PTPRM: variants seen among roughly 807,000 people sequenced by gnomAD.
PTPRM encodes protein tyrosine phosphatase receptor type M, also known as receptor-type tyrosine-protein phosphatase mu.
PTPRM carries 47 observed loss-of-function variants against 186.7 expected under a neutral mutation model. That is an observed-to-expected ratio of 0.25 (90% CI 0.20 to 0.32). PTPRM has a LOEUF of 0.32. PTPRM is among the 10% of genes least tolerant of loss of function. The pLI is 1.00. For synonymous variants in PTPRM, 668 were observed against 674.9 expected (o/e 0.99, Z 0.16); for missense variants, 1,494 against 1,865.0 (o/e 0.80, Z 3.66).
chr18:8,027,015 A>G (rs548405947), intron 7 of PTPRM, among the ~76,000 whole-genome samples: 43 of 152,362 alleles, frequency 2.8e-4, no homozygotes, highest in African/African-American at 1.0e-3. Context: ...TAAAATATAG[A>G]TATTGGATAC....
intron 5 of PTPRM, among the ~76,000 whole-genome samples, chr18:7,932,442 A>T (rs1364355801): frequency 6.6e-6 from 1 of 152,216 alleles, no homozygotes; most frequent in African/African-American, 2.4e-5. Context: ...GCAGCTGTAT[A>T]TCCTGTTTTT....
intron 11 of PTPRM, among the ~76,000 whole-genome samples, chr18:8,098,765 C>G (rs1301448739): frequency 2.6e-5 from 4 of 151,830 alleles, no homozygotes; most frequent in Admixed American, 1.3e-4. Context: ...GATGACACCC[C>G]CTCCCCTCCT....
chr18:7,663,439 A>T (rs2039023950), intron 1 of PTPRM, among the ~76,000 whole-genome samples: 1 of 152,216 alleles, frequency 6.6e-6, no homozygotes, highest in African/African-American at 2.4e-5. Context: ...AGCTTCAGTC[A>T]AACTTGAACA....
intron 1 of PTPRM, among the ~76,000 whole-genome samples, chr18:7,629,804 A>G (rs948337): frequency 0.063 from 9,638 of 152,208 alleles, 396 homozygotes; most frequent in African/African-American, 0.12. Flanking sequence ...CTCAAAATAC[A>G]CATCATATTT....
chr18:7,654,360 A>G (rs1226956775), intron 1 of PTPRM, among the ~76,000 whole-genome samples: 2 of 152,148 alleles, frequency 1.3e-5, no homozygotes, highest in African/African-American at 4.8e-5. Flanking sequence ...TGTGTGAAAA[A>G]TTAGACCTTG....
chr18:7,762,378 G>A (rs1161328911), intron 1 of PTPRM, among the ~76,000 whole-genome samples: 1 of 152,036 alleles, frequency 6.6e-6, no homozygotes, highest in Non-Finnish European at 1.5e-5. Context: ...TGAGCATAGG[G>A]GTAGCATATG....
In PTPRM at chr18:8,303,229, C is replaced by T. The variant is rs932631302; in HGVS notation, c.2842+6774C>T. Among the ~76,000 whole-genome samples the T allele has an allele frequency of 3.3e-5, 5 of 152,152 alleles. No individual in the cohort carries two copies. The Middle Eastern group carries it at 0.01, about 311-fold the overall frequency. Reference sequence around the variant, plus strand: ...TGTCCTGTTGGTAGATCTAGTAGATCTAGTACAGCAGAGACTCTGATGTAG... The same window carrying T: ...TGTCCTGTTGGTAGATCTAGTAGATTTAGTACAGCAGAGACTCTGATGTAG... On this transcript the variant is annotated intron_variant, in intron 20 of 32. Coordinates refer to ENST00000580170, the MANE Select transcript of PTPRM (RefSeq NM_001105244.2).
chr18:8,176,375 G>A (rs140763806), intron 14 of PTPRM, among the ~76,000 whole-genome samples: 1 of 152,344 alleles, frequency 6.6e-6, no homozygotes, highest in Admixed American at 6.5e-5. Flanking sequence ...AAGGCAGGGA[G>A]TTGGATCTGG....
At position 8,152,712 on chromosome 18, in the gene PTPRM, C is replaced by CTTTT. The variant is rs35112154; in HGVS notation, c.2300+8954_2300+8957dup. Among the ~76,000 whole-genome samples, 202 of 56,924 alleles carry CTTTT rather than the reference C, an allele frequency of 3.5e-3. 5 individuals carry two copies. The highest frequency in any genetic ancestry group is 9.9e-3 in the African/African-American group (131 of 13,232). The allele number at this position is 56,924 out of a possible 152,430, so 37.3% of individuals were successfully genotyped here. ...TTTCTCTTTTTCTTATGCCTCACCT[C>CTTTT]TTTTTTTTTTTTTTTTTTTTTTTTG... On this transcript the variant is annotated intron_variant, in intron 14 of 32. Transcript: ENST00000580170.
At chr18:7,973,780 A>G (rs960984626) in intron 7 of PTPRM, among the ~76,000 whole-genome samples, 4 of 152,164 alleles carry the variant, frequency 2.6e-5, no homozygotes, top group African/African-American at 9.7e-5. Flanking sequence ...AAATCAGTCC[A>G]AATATATATT....
chr18:8,287,935 T>C (rs1471856017), intron 19 of PTPRM, among the ~76,000 whole-genome samples: 1 of 152,144 alleles, frequency 6.6e-6, no homozygotes, highest in Admixed American at 6.5e-5. Context: ...TGACACCCCA[T>C]TAAATTACCA....
At chr18:7,771,938 A>T (rs73939369) in intron 1 of PTPRM, among the ~76,000 whole-genome samples, 2,807 of 152,350 alleles carry the variant, frequency 0.018, 79 homozygotes, top group African/African-American at 0.063. Context: ...AAAACCATCT[A>T]CTTTCTTACA....
intron 5 of PTPRM, among the ~76,000 whole-genome samples, chr18:7,930,749 C>G (rs2051438681): frequency 6.6e-6 from 1 of 152,020 alleles, no homozygotes; most frequent in South Asian, 2.1e-4. Context: ...TCATATTGAT[C>G]CATACCTGTG....
At chr18:7,645,586 G>A (rs2038541789) in intron 1 of PTPRM, among the ~76,000 whole-genome samples, 1 of 152,186 alleles carries the variant, frequency 6.6e-6, no homozygotes, top group Non-Finnish European at 1.5e-5. Context: ...AATATAAACT[G>A]TGTAGCCTCA....
chr18:8,125,135 G>A (rs1265853053), intron 13 of PTPRM, among the ~76,000 whole-genome samples: 1 of 151,616 alleles, frequency 6.6e-6, no homozygotes, highest in African/African-American at 2.4e-5. Context: ...GCTTGAACCC[G>A]GGAGGCAGAG....
At chr18:7,945,912 T>A (rs140456846) in intron 5 of PTPRM, among the ~76,000 whole-genome samples, 123 of 152,140 alleles carry the variant, frequency 8.1e-4, no homozygotes, top group African/African-American at 2.7e-3. Flanking sequence ...CCTGTGTAGA[T>A]TCTAAGCTAA....
intron 1 of PTPRM, among the ~76,000 whole-genome samples, chr18:7,764,068 G>T (rs1246323838): frequency 6.6e-6 from 1 of 151,922 alleles, no homozygotes; most frequent in Non-Finnish European, 1.5e-5. Flanking sequence ...TTATAGATCA[G>T]GGTTTTCTTA....
chr18:7,586,693 CAG>C (rs947312285), intron 1 of PTPRM, among the ~76,000 whole-genome samples: 7 of 152,230 alleles, frequency 4.6e-5, no homozygotes, highest in African/African-American at 1.7e-4. Flanking sequence ...CATTTAAAAA[CAG>C]AATTTTTAAA....
rs1011192970 is a variant in PTPRM, at chr18:8,305,526, C to T, written c.2842+9071C>T. Among the ~76,000 whole-genome samples the T allele has an allele frequency of 1.4e-4, 21 of 152,126 alleles. 1 individual carries two copies. Among genetic ancestry groups the T allele is most frequent in the South Asian group, 6.2e-4 (3 of 4,824 alleles). On this transcript the variant is annotated intron_variant, in intron 20 of 32. Coordinates refer to ENST00000580170, the MANE Select transcript of PTPRM (RefSeq NM_001105244.2). ...CAGTTGGGGAAACTGAGGCACAGAG[C>T]GGTCAAATAACTTCTCCAAGGCCAC...
Sources: allele counts gnomAD v4.1 joint callset (sites outside exome capture counted in the v4.1 genomes callset), GRCh38; gene constraint gnomAD v4.1.1; transcripts MANE v1.5; gene names NCBI Gene and HGNC (gene_info 2026-07-23, HGNC 2026-07-21).